Variants in TAF4B observed in about 807,000 individuals in gnomAD.
The protein encoded by TAF4B is transcription initiation factor TFIID subunit 4B.
In TAF4B, 38 loss-of-function variants were observed where a neutral mutation model predicts 86.4. That is an observed-to-expected ratio of 0.44 (90% confidence interval 0.34 to 0.58). The LOEUF (loss-of-function observed/expected upper bound fraction) is 0.58. Among genes scored for constraint, TAF4B ranks in the 20% least tolerant of loss-of-function variants. The pLI, the probability that TAF4B is intolerant of heterozygous loss-of-function variation, is 0.02. For missense variants in TAF4B, 988 were observed against 1,027.6 expected (o/e 0.96, Z 0.53); for synonymous variants, 388 against 391.2 (o/e 0.99, Z 0.10).
At chr18:26,383,837 G>C (rs1272718605) in intron 14 of TAF4B, among the ~76,000 whole-genome samples, 1 of 152,212 alleles carries the variant, frequency 6.6e-6, no homozygotes, top group Non-Finnish European at 1.5e-5. Flanking sequence ...AGGTGATAAA[G>C]ATGAGAGATC....
intron 1 of TAF4B, among the ~76,000 whole-genome samples, chr18:26,246,843 C>CT (rs937816294): frequency 1.8e-4 from 27 of 148,634 alleles, no homozygotes; most frequent in Admixed American, 8.1e-4. Flanking sequence ...TAATCTCATT[C>CT]TTTTTTTTTT....
At chr18:26,319,493 C>A (rs1039807160) in intron 10 of TAF4B, among the ~76,000 whole-genome samples, 1 of 152,008 alleles carries the variant, frequency 6.6e-6, no homozygotes, top group Non-Finnish European at 1.5e-5. Context: ...GAGCAAGACT[C>A]CATCTCAAGA....
intron 14 of TAF4B, among the ~76,000 whole-genome samples, chr18:26,364,991 A>G (rs956971380): frequency 2.7e-5 from 4 of 149,226 alleles, no homozygotes; most frequent in African/African-American, 5.0e-5. Context: ...GTGCTACTCT[A>G]TAATTCTATT....
intron 14 of TAF4B, among the ~76,000 whole-genome samples, chr18:26,363,374 A>C (rs1333951627): frequency 8.0e-5 from 1 of 12,522 alleles, no homozygotes; most frequent in African/African-American, 1.8e-4. Flanking sequence ...CTCTACCAAA[A>C]AAAAAAAAAA....
intron 11 of TAF4B, among the ~76,000 whole-genome samples, chr18:26,322,737 G>T (rs577907548): frequency 6.6e-6 from 1 of 151,700 alleles, no homozygotes; most frequent in Non-Finnish European, 1.5e-5. Flanking sequence ...TTGATTTCGT[G>T]TATCTCCACT....
At chr18:26,308,144 C>T (rs945166884) in intron 9 of TAF4B, among the ~76,000 whole-genome samples, 13 of 152,038 alleles carry the variant, frequency 8.6e-5, no homozygotes, top group African/African-American at 2.4e-4. Flanking sequence ...ATCCTAGCTA[C>T]TTGGGAGGCT....
chr18:26,235,718 A>G (rs1406184998), intron 1 of TAF4B, among the ~76,000 whole-genome samples: 1 of 152,204 alleles, frequency 6.6e-6, no homozygotes, highest in African/African-American at 2.4e-5. Flanking sequence ...GTCAGAGTGC[A>G]GGGGAGTGCA....
At chr18:26,270,472 TA>T (rs1260072634) in intron 3 of TAF4B, among the ~76,000 whole-genome samples, 1 of 152,172 alleles carries the variant, frequency 6.6e-6, no homozygotes, top group Non-Finnish European at 1.5e-5. Flanking sequence ...TTGTAGTTTT[TA>T]AAAAAATTAC....
At chr18:26,250,384 C>G (rs1267689562) in intron 1 of TAF4B, among the ~76,000 whole-genome samples, 1 of 151,744 alleles carries the variant, frequency 6.6e-6, no homozygotes, top group Admixed American at 6.6e-5. Context: ...GTAGTCCGAG[C>G]TACTCGAGAG....
intron 13 of TAF4B, among the ~76,000 whole-genome samples, chr18:26,344,382 A>G (rs1285794656): frequency 6.6e-6 from 1 of 151,804 alleles, no homozygotes; most frequent in Non-Finnish European, 1.5e-5. Flanking sequence ...AAAAAAAGGG[A>G]AAAAAACCTG....
intron 7 of TAF4B, 70 bp downstream of exon 7, chr18:26,286,569 A>T: frequency 6.7e-7 from 1 of 1,500,020 alleles, no homozygotes. Flanking sequence ...AACTGGTAAG[A>T]CTAGTAGAAA....
intron 1 of TAF4B, among the ~76,000 whole-genome samples, chr18:26,256,795 TG>T (rs2056091165): frequency 6.7e-6 from 1 of 149,756 alleles, no homozygotes; most frequent in Admixed American, 6.8e-5. Context: ...GTGTTTATTA[TG>T]CACATATTTG....
chr18:26,237,469 A>T (rs1359807628), intron 1 of TAF4B, among the ~76,000 whole-genome samples: 5 of 152,038 alleles, frequency 3.3e-5, no homozygotes, highest in African/African-American at 9.7e-5. Flanking sequence ...CTTGAAGGGG[A>T]TGTAACCGAT....
intron 1 of TAF4B, chr18:26,256,404 A>G (rs1249538594): frequency 9.2e-7 from 1 of 1,083,180 alleles, no homozygotes; most frequent in Non-Finnish European, 1.4e-6. Context: ...TTCCACGCGC[A>G]ATAACGTCCC....
chr18:26,346,503 GGAAGAA>G (rs2057180337), intron 13 of TAF4B, among the ~76,000 whole-genome samples: 1 of 151,564 alleles, frequency 6.6e-6, no homozygotes, highest in Non-Finnish European at 1.5e-5. Context: ...TCAGGAAGCT[GGAAGAA>G]CCCCAAGTAG....
At chr18:26,272,830 G>A (rs1041022256) in intron 3 of TAF4B, among the ~76,000 whole-genome samples, 1 of 152,144 alleles carries the variant, frequency 6.6e-6, no homozygotes, top group Non-Finnish European at 1.5e-5. Context: ...GTGGTAGGTT[G>A]GAGAGCAGGA....
chr18:26,386,830 T>C (rs1256144561), intron 14 of TAF4B, among the ~76,000 whole-genome samples: 1 of 152,206 alleles, frequency 6.6e-6, no homozygotes, highest in East Asian at 1.9e-4. Flanking sequence ...TTGTGAATAG[T>C]AGTCATCCTT....
chr18:26,243,671 T>G (rs1387832838), intron 1 of TAF4B, among the ~76,000 whole-genome samples: 2 of 152,218 alleles, frequency 1.3e-5, no homozygotes, highest in Non-Finnish European at 2.9e-5. Flanking sequence ...GCTCTGAATT[T>G]TAGAATTTTC....
rs748336530 is a variant in TAF4B, at chr18:26,286,211, A to G, written c.1302A>G (p.Ser434=). Residue 434 remains serine, a synonymous_variant, in exon 7 of 15, where the codon TCA becomes TCG. Transcript: ENST00000269142. ...TTAGTGLLQT[S]KPLVTSVANT... is the part of the protein sequence containing the mutation. ...CTGGAACTGGTTTGCTTCAGACTTCAAAACCACTTGTGACATCTGTGGCAA... is the reference window on the plus strand; with the variant it reads ...CTGGAACTGGTTTGCTTCAGACTTCGAAACCACTTGTGACATCTGTGGCAA... The G allele has an allele frequency of 6.2e-7, 1 of 1,614,236 alleles. No individual in the cohort carries two copies. The highest frequency in any genetic ancestry group is 1.1e-5 in the South Asian group (1 of 91,078).
Sources: allele counts gnomAD v4.1 joint callset (sites outside exome capture counted in the v4.1 genomes callset), GRCh38; gene constraint gnomAD v4.1.1; transcripts MANE v1.5; gene names NCBI Gene and HGNC (gene_info 2026-07-23, HGNC 2026-07-21).